The following PKHD1 variants were observed in gnomAD, a reference collection of about 807,000 sequenced individuals.
The protein encoded by PKHD1 is fibrocystin.
A neutral mutation model predicts 412.0 loss-of-function variants in PKHD1; 291 were observed. The ratio of observed to expected loss-of-function variants is 0.71; its 90% CI spans 0.64 to 0.78. The LOEUF (loss-of-function observed/expected upper bound fraction) is 0.78. Ranked by LOEUF, PKHD1 falls within the 30% of genes least tolerant of loss-of-function variation. The pLI, the probability that PKHD1 is intolerant of heterozygous loss-of-function variation, is 0.00. For missense variants in PKHD1, 4,825 were observed against 4,950.7 expected (o/e 0.97, Z 0.76); for synonymous variants, 1,777 against 1,821.5 (o/e 0.98, Z 0.62).
chr6:52,038,854 A>C (rs1804368504), intron 27 of PKHD1, among the ~76,000 whole-genome samples: 1 of 152,242 alleles, frequency 6.6e-6, no homozygotes, highest in Non-Finnish European at 1.5e-5. Context: ...GTGACACCAA[A>C]AGCACAAGCA....
Position 52,048,674 on chromosome 6 carries a change from A to G in PKHD1, c.2280-55T>C, listed in dbSNP as rs907545123. ...GTCTGGGTTGGGGTGTGCACCTAGG[A>G]GGACCTTGTCTGAAGGATGTCCTGT... On this transcript the variant is annotated intron_variant, in intron 22 of 66. Transcript: ENST00000371117. 93 of 1,608,406 alleles carry G rather than the reference A, an allele frequency of 5.8e-5. No homozygotes were observed. The Admixed American group carries it at 1.5e-3, about 27-fold the overall frequency.
intron 35 of PKHD1, among the ~76,000 whole-genome samples, chr6:51,960,742 G>T (rs941857872): frequency 2.0e-5 from 3 of 152,120 alleles, no homozygotes; most frequent in Non-Finnish European, 2.9e-5. Context: ...TGAGTGAGGG[G>T]TAGGGAGCTG....
chr6:51,982,890 T>TAAAATAAAAAAAAA (rs1795723598), intron 35 of PKHD1, among the ~76,000 whole-genome samples: 1 of 37,578 alleles, frequency 2.7e-5, no homozygotes, highest in African/African-American at 4.9e-5. Context: ...TAAAATAAAA[T>TAAAATAAAAAAAAA]AAAAAAAAGA....
chr6:51,946,410 T>C (rs781601143), intron 36 of PKHD1, among the ~76,000 whole-genome samples: 1 of 152,228 alleles, frequency 6.6e-6, no homozygotes. Context: ...AAACCTTCTT[T>C]ATGTGAAAGA....
intron 60 of PKHD1, among the ~76,000 whole-genome samples, chr6:51,703,514 A>G (rs1208067133): frequency 6.6e-6 from 1 of 152,052 alleles, no homozygotes; most frequent in Non-Finnish European, 1.5e-5. Context: ...ACAAAAAACA[A>G]ACAAACAAAA....
rs1562146768 is a variant in PKHD1 at position 51,711,437 on chromosome 6, C to T, written c.10156+32948G>A. Among the ~76,000 whole-genome samples, 5 of 152,194 alleles carry T rather than the reference C, an allele frequency of 3.3e-5. No individual in the cohort carries two copies. The South Asian group carries it at 1.0e-3, about 32-fold the overall frequency. ...CAGCTGAAATCATCTTGTCTCTATC[C>T]CTGAGCTTTATGGAACTAATATGCA... On this transcript the variant is annotated intron_variant, in intron 60 of 66. Coordinates refer to ENST00000371117, the MANE Select transcript of PKHD1 (RefSeq NM_138694.4).
intron 59 of PKHD1, among the ~76,000 whole-genome samples, chr6:51,745,460 C>T (rs1314922619): frequency 6.6e-6 from 1 of 152,150 alleles, no homozygotes; most frequent in Admixed American, 6.5e-5. Context: ...GAACAAGGCA[C>T]CATCTTGGAA....
chr6:51,736,279 T>C lies in PKHD1; in HGVS notation c.10156+8106A>G, dbSNP rs545995810. On this transcript the variant is annotated intron_variant, in intron 60 of 66. Coordinates refer to ENST00000371117, the MANE Select transcript of PKHD1 (RefSeq NM_138694.4). ...TCACATGCCTGTTCATATCATCTTT[T>C]ATAGATCACACATGAAAATCATTCC... Among the ~76,000 whole-genome samples, 5 of 152,362 alleles carry C rather than the reference T, an allele frequency of 3.3e-5. No individual in the cohort carries two copies. The South Asian group carries it at 8.3e-4, about 25-fold the overall frequency.
In PKHD1 at chr6:52,048,605, T is replaced by C. The variant is rs1309813392; in HGVS notation, c.2294A>G (p.Glu765Gly). ...CAGTCCAGATCCCTCTTCTGTTCCT[T>C]CAGTGGGCACAGAGCTGTGGCACGT... The part of the protein sequence containing the change: ...PLITARSVPT[E>G]GTEEGSGLVL... Residue 765 changes from glutamate (E) to glycine (G), a missense_variant, in exon 23 of 67, where the codon GAA becomes GGA. By Grantham distance (98) the Glu-to-Gly change is moderately conservative (BLOSUM62 -2). Coordinates refer to ENST00000371117, the MANE Select transcript of PKHD1 (RefSeq NM_138694.4). 3 of 1,614,082 alleles carry C rather than the reference T, an allele frequency of 1.9e-6. No homozygotes were observed.
chr6:52,003,641 T>G (rs1410269040), intron 35 of PKHD1, among the ~76,000 whole-genome samples: 4 of 152,318 alleles, frequency 2.6e-5, no homozygotes, highest in African/African-American at 7.2e-5. Flanking sequence ...TCCTTCAAAC[T>G]CTTCCTTCAC....
chr6:51,746,898 T>C lies in PKHD1; in HGVS notation c.9830-9A>G. On this transcript the variant is annotated splice_polypyrimidine_tract_variant and intron_variant, in intron 58 of 66. Coordinates refer to ENST00000371117, the MANE Select transcript of PKHD1 (RefSeq NM_138694.4). ...ACTAGAAAAGGTAACATCTGAAATT[T>C]TAAAAATATGTATCATAATATTATA... is the stretch of plus-strand genomic sequence containing the variant. 1 of 1,522,632 alleles carries C rather than the reference T, an allele frequency of 6.6e-7. No homozygotes were observed. The highest frequency in any genetic ancestry group is 9.1e-7 in the Non-Finnish European group (1 of 1,104,230). The allele number at this position is 1,522,632 out of a possible 1,614,324, so 94.3% of individuals were successfully genotyped here. A position where few individuals can be genotyped will look rare whatever the true frequency, so the allele number is the denominator to read the frequency against.
At chr6:51,857,285 T>C (rs888127417) in intron 48 of PKHD1, among the ~76,000 whole-genome samples, 14 of 152,198 alleles carry the variant, frequency 9.2e-5, no homozygotes, top group Non-Finnish European at 1.6e-4. Context: ...AATCTTTAAC[T>C]GTGGCATTTT....
At chr6:51,846,576 G>A (rs568135850) in intron 50 of PKHD1, among the ~76,000 whole-genome samples, 124 of 152,284 alleles carry the variant, frequency 8.1e-4, no homozygotes, top group Non-Finnish European at 1.5e-3. Context: ...TGCTGACATG[G>A]TATAGAAAAG....
intron 52 of PKHD1, among the ~76,000 whole-genome samples, chr6:51,830,223 G>A (rs1046813485): frequency 6.6e-5 from 10 of 151,214 alleles, no homozygotes; most frequent in African/African-American, 2.4e-4. Context: ...CTCAGGCTAG[G>A]GAGATATTCT....
intron 2 of PKHD1, among the ~76,000 whole-genome samples, chr6:52,084,475 A>T (rs1003989213): frequency 6.6e-6 from 1 of 152,260 alleles, no homozygotes; most frequent in Non-Finnish European, 1.5e-5. Context: ...TGACAAGTTA[A>T]TCTCTTTGGG....
intron 50 of PKHD1, among the ~76,000 whole-genome samples, chr6:51,843,802 C>T (rs959869781): frequency 1.3e-5 from 2 of 152,166 alleles, no homozygotes; most frequent in Non-Finnish European, 2.9e-5. Context: ...TAAGTAGCTC[C>T]TTGGGCAAAA....
chr6:52,070,640 T>G (rs1465075361), intron 9 of PKHD1, among the ~76,000 whole-genome samples, 195 bp from the exon 10 acceptor site: 1 of 152,082 alleles, frequency 6.6e-6, no homozygotes, highest in East Asian at 1.9e-4. Flanking sequence ...CCTCATAAGT[T>G]TAGCATCATT....
Position 52,046,126 on chromosome 6 carries a change from A to T in PKHD1, c.2470T>A (p.Phe824Ile). The T allele has an allele frequency of 6.2e-7, 1 of 1,613,590 alleles. No individual in the cohort carries two copies. Among genetic ancestry groups the T allele is most frequent in the Non-Finnish European group, 8.5e-7 (1 of 1,179,476 alleles). The change falls in exon 24 of 67, where the codon TTC (phenylalanine) becomes ATC (isoleucine). Residue 824 changes from phenylalanine (F) to isoleucine (I), a missense_variant. Phe to Ile is a conservative substitution (Grantham distance 21). Coordinates refer to ENST00000371117, the MANE Select transcript of PKHD1 (RefSeq NM_138694.4). The stretch of plus-strand genomic sequence containing the variant: ...CTGGCATTGAGGTACCTGGATGTGA[A>T]GTCATCGGCATTATTCTGTAAGAGC... ...HQLLQNNADD[F>I]TSRYLNASDF...
chr6:51,634,742 C>T (rs1053498596), intron 64 of PKHD1, among the ~76,000 whole-genome samples: 10 of 152,096 alleles, frequency 6.6e-5, no homozygotes, highest in Non-Finnish European at 1.2e-4. Flanking sequence ...TGTGCAAATA[C>T]ATAAACAAAG....
Sources: allele counts gnomAD v4.1 joint callset (sites outside exome capture counted in the v4.1 genomes callset), GRCh38; gene constraint gnomAD v4.1.1; transcripts MANE v1.5; gene names NCBI Gene and HGNC (gene_info 2026-07-23, HGNC 2026-07-21).